The following IGDCC4 variants were observed in gnomAD, a reference collection of about 807,000 sequenced individuals.
IGDCC4 encodes likely ortholog of mouse neighbor of Punc E11.
In IGDCC4, 72 loss-of-function variants were observed where a neutral mutation model predicts 116.6. The observed-to-expected ratio is 0.62, with a 90% CI of 0.51 to 0.75. IGDCC4 has a LOEUF of 0.75. Among genes scored for constraint, IGDCC4 ranks in the 30% least tolerant of loss-of-function variants. The probability of loss-of-function intolerance (pLI) is 0.00; values close to 1 mark genes in which losing one functional copy is unlikely to be tolerated. For missense variants in IGDCC4, 1,501 were observed against 1,662.4 expected, an observed-to-expected ratio of 0.90 and a Z score of 1.69; for synonymous variants, 709 against 719.9, an observed-to-expected ratio of 0.98 and a Z score of 0.24.
Position 65,393,024 on chromosome 15 carries a change from A to G in IGDCC4, c.1885+337T>C, listed in dbSNP as rs2062882201. On this transcript the variant is annotated intron_variant, in intron 10 of 19. Coordinates refer to ENST00000352385, the MANE Select transcript of IGDCC4 (RefSeq NM_020962.3). This position sits in a 1 kb window ranked among gnomAD's most constrained non-coding sequence, Gnocchi z 4.6. The stretch of plus-strand genomic sequence containing the variant: ...TCTTCTATTGGGCCTCTCAACAAAA[A>G]CAATCATCATCACCATCATCCTCGA... Among the ~76,000 whole-genome samples, 1 of 152,146 alleles carries G rather than the reference A, an allele frequency of 6.6e-6. No homozygotes were observed. Among genetic ancestry groups the G allele is most frequent in the Non-Finnish European group, 1.5e-5 (1 of 68,020 alleles).
chr15:65,402,611 A>G (rs184453313), intron 3 of IGDCC4, 124 bp from the exon 4 acceptor site: 16,483 of 1,276,942 alleles, frequency 0.013, 130 homozygotes, highest in Middle Eastern at 0.019. Flanking sequence ...GCTCACGCCT[A>G]TAATCCCAGC....
At position 65,410,297 on chromosome 15, in the gene IGDCC4, G is replaced by A. The variant is rs1187141758; in HGVS notation, c.444C>T (p.His148=). The part of the protein sequence containing the change: ...KLATLADFSL[H]PESQTVEENG... ...TCTCCTCCACCGTCTGAGACTCCGG[G>A]TGCAGAGAGAAGTCTGCGAGTGCTG... The change falls in exon 3 of 20, where the codon CAC becomes CAT. Residue 148 remains histidine (H), a synonymous_variant. Transcript: ENST00000352385. 6.2e-7 allele frequency: 1 copy of A among 1,614,062 alleles called. No homozygotes were observed. The highest frequency in any genetic ancestry group is 1.1e-5 in the South Asian group (1 of 91,086).
Position 65,388,919 on chromosome 15 carries a change from G to A in IGDCC4, c.2596C>T (p.Leu866=), listed in dbSNP as rs890362537. The part of the protein sequence containing the change: ...LSPLTPSTVR[L]HWCPPTEPNG... Reference sequence around the variant, plus strand: ...GGCTCTGTGGGGGGGCACCAGTGCAGCCGAACCGTGGACGGTGTCAGGGGG... The same window carrying A: ...GGCTCTGTGGGGGGGCACCAGTGCAACCGAACCGTGGACGGTGTCAGGGGG... Residue 866 remains leucine (L), a synonymous_variant, in exon 15 of 20, where the codon CTG becomes TTG. Transcript: ENST00000352385. 6.2e-7 allele frequency: 1 copy of A among 1,613,492 alleles called. No individual in the cohort carries two copies. Among genetic ancestry groups the A allele is most frequent in the Non-Finnish European group, 8.5e-7 (1 of 1,179,866 alleles).
In IGDCC4 at chr15:65,384,826, G is replaced by A. The variant is rs560234664; in HGVS notation, c.3342+128C>T. The A allele has an allele frequency of 1.6e-6, 2 of 1,262,726 alleles. No individual in the cohort carries two copies. Among genetic ancestry groups the A allele is most frequent in the Admixed American group, 5.0e-5 (2 of 39,778 alleles). 78.2% of individuals were successfully genotyped at this position (1,262,726 alleles called of 1,614,324 possible). On this transcript the variant is annotated intron_variant, in intron 19 of 19. Transcript: ENST00000352385. This position sits in a 1 kb window ranked among gnomAD's most constrained non-coding sequence, Gnocchi z 4.9. Reference sequence around the variant, plus strand: ...TACTCAACCTTTGGAGGCTCCAGGGGTCTCCTGGCTAGACTTCTATCCCCA... The same window carrying A: ...TACTCAACCTTTGGAGGCTCCAGGGATCTCCTGGCTAGACTTCTATCCCCA...
intron 6 of IGDCC4, 42 bp from the exon 7 acceptor site, chr15:65,396,205 C>T: frequency 6.7e-7 from 1 of 1,490,048 alleles, no homozygotes. Context: ...GATCCCGCAA[C>T]TAAGGTCTCT....
intron 7 of IGDCC4, 72 bp downstream of exon 7, chr15:65,395,678 T>C: frequency 1.5e-6 from 2 of 1,372,198 alleles, no homozygotes; most frequent in Non-Finnish European, 1.9e-6. Context: ...CCTTCAGTCA[T>C]CCGACCTGAA....
At chr15:65,396,652 C>G (rs905736208) in intron 6 of IGDCC4, among the ~76,000 whole-genome samples, 182 bp downstream of exon 6, 1 of 152,148 alleles carries the variant, frequency 6.6e-6, no homozygotes, top group East Asian at 1.9e-4. Flanking sequence ...CCCCGCACTC[C>G]GTCCTCCAGT....
chr15:65,401,199 C>G (rs754391283), intron 4 of IGDCC4, among the ~76,000 whole-genome samples: 16 of 152,236 alleles, frequency 1.1e-4, no homozygotes, highest in Non-Finnish European at 2.4e-4. Flanking sequence ...CCCACACCTA[C>G]CTCCATTCTT....
chr15:65,395,704 C>G, intron 7 of IGDCC4, 46 bp downstream of exon 7: 1 of 1,400,868 alleles, frequency 7.1e-7, no homozygotes, highest in Non-Finnish European at 9.3e-7. Flanking sequence ...TCTGGCTGCG[C>G]CCCGCCCGGG....
chr15:65,385,202 C>T, intron 18 of IGDCC4, 87 bp from the exon 19 acceptor site: 1 of 1,369,382 alleles, frequency 7.3e-7, no homozygotes, highest in Non-Finnish European at 9.8e-7. Flanking sequence ...TGGGATGGGC[C>T]GCGGGGGAGC....
rs1232146902 is a variant in IGDCC4, at chr15:65,411,268, C to G, written c.173G>C (p.Ser58Thr). The change falls in exon 2 of 20, where the codon AGC becomes ACC. Residue 58 changes from serine to threonine, a missense_variant. Transcript: ENST00000352385. ...GPEQAAVLNC[S>T]LGAAAAGPPT... ...GGGTCCAGCGGCAGCAGCCCCCAGGCTACAGTTTAGCACTGCAGCCTGCTC... is the reference window on the plus strand; with the variant it reads ...GGGTCCAGCGGCAGCAGCCCCCAGGGTACAGTTTAGCACTGCAGCCTGCTC... The G allele has an allele frequency of 6.2e-7, 1 of 1,614,054 alleles. No individual in the cohort carries two copies. The highest frequency in any genetic ancestry group is 1.1e-5 in the South Asian group (1 of 91,070).
At chr15:65,389,477 A>C (rs1157315525) in intron 13 of IGDCC4, 66 bp from the exon 14 acceptor site, 117 of 1,608,284 alleles carry the variant, frequency 7.3e-5, no homozygotes, top group Middle Eastern at 6.8e-4. Context: ...GACTCCTCCA[A>C]ATCTACTCCC....
chr15:65,396,735 C>T, intron 6 of IGDCC4, 99 bp downstream of exon 6: 3 of 1,435,038 alleles, frequency 2.1e-6, no homozygotes, highest in Non-Finnish European at 1.9e-6. Flanking sequence ...TCCAGGAGAG[C>T]GCCTGAGTGC....
chr15:65,388,031 G>C (rs866859792), intron 16 of IGDCC4, among the ~76,000 whole-genome samples: 2 of 152,066 alleles, frequency 1.3e-5, no homozygotes, highest in Non-Finnish European at 2.9e-5. Flanking sequence ...AGATCACGAG[G>C]TCAGGAGTTT....
At chr15:65,410,615 C>G (rs1343047189) in intron 2 of IGDCC4, 1 of 493,412 alleles carries the variant, frequency 2.0e-6, no homozygotes, top group Non-Finnish European at 3.7e-6. Context: ...ATCTGTGCCT[C>G]CTGAGAGCCC....
In IGDCC4 at chr15:65,388,902, G is replaced by A. The variant is rs142796011; in HGVS notation, c.2613C>T (p.Pro871=). 3.5e-5 allele frequency: 56 copies of A among 1,613,502 alleles called. No individual in the cohort carries two copies. Among genetic ancestry groups the A allele is most frequent in the East Asian group, 2.2e-5 (1 of 44,876 alleles). The change falls in exon 15 of 20, where the codon CCC becomes CCT. Residue 871 remains proline (P), a synonymous_variant. Transcript: ENST00000352385. ...CCACGATCTCCCCGTTGGGCTCTGT[G>A]GGGGGGCACCAGTGCAGCCGAACCG... ...PSTVRLHWCP[P]TEPNGEIVEY...
In IGDCC4 at chr15:65,411,235, CT is replaced by C; in HGVS notation, c.205del (p.Arg69GlyfsTer2). 1 of 1,614,154 alleles carries C rather than the reference CT, an allele frequency of 6.2e-7. No individual in the cohort carries two copies. Among genetic ancestry groups the C allele is most frequent in the Non-Finnish European group, 8.5e-7 (1 of 1,180,012 alleles). On this transcript the variant is annotated frameshift_variant, in exon 2 of 20. Transcript: ENST00000352385. LOFTEE classifies it high-confidence loss of function. ...LGAAAAGPPT[R>X]VTWSKDGDTL... ...GTCCCCATCCTTGCTCCAGGTCACC[CT>C]GGTGGGGGGTCCAGCGGCAGCAGCC...
intron 4 of IGDCC4, among the ~76,000 whole-genome samples, 157 bp from the exon 5 acceptor site, chr15:65,401,103 C>A (rs765946783): frequency 2.0e-5 from 3 of 152,190 alleles, no homozygotes; most frequent in Non-Finnish European, 2.9e-5. Flanking sequence ...TTCAGCAGGG[C>A]TGGGACTGGA....
chr15:65,389,549 G>T, intron 13 of IGDCC4, 138 bp from the exon 14 acceptor site: 2 of 1,177,440 alleles, frequency 1.7e-6, no homozygotes, highest in Non-Finnish European at 2.4e-6. Flanking sequence ...TGGCCTGGAG[G>T]CGACTACCAC....
Sources: gnomAD v4.1 joint callset for allele counts (sites outside exome capture counted in the v4.1 genomes callset) on GRCh38, gnomAD v4.1.1 for gene constraint, Gnocchi (gnomAD v3.1) non-coding constraint, MANE v1.5 for transcripts, NCBI Gene and HGNC (gene_info 2026-07-23, HGNC 2026-07-21) for gene names.